The following PRKAG1 variants were observed in gnomAD, a reference collection of about 807,000 sequenced individuals.
PRKAG1 encodes the protein protein kinase AMP-activated non-catalytic subunit gamma 1.
A neutral mutation model predicts 48.2 loss-of-function variants in PRKAG1; 27 were observed. The ratio of observed to expected loss-of-function variants is 0.56; its 90% CI spans 0.41 to 0.77. The LOEUF is 0.77. PRKAG1 is among the 30% of genes least tolerant of loss of function. The pLI is 0.00. For missense variants in PRKAG1, 287 were observed against 398.3 expected (o/e 0.72, Z 2.38); for synonymous variants, 130 against 147.7 (o/e 0.88, Z 0.87).
At chr12:49,014,434 C>A (rs977760051) in intron 1 of PRKAG1, among the ~76,000 whole-genome samples, 6 of 152,242 alleles carry the variant, frequency 3.9e-5, no homozygotes, top group African/African-American at 1.4e-4. Flanking sequence ...AAGATTCTCA[C>A]AGATCTACTT....
At chr12:49,009,903 G>A (rs1031321732) in intron 2 of PRKAG1, among the ~76,000 whole-genome samples, 12 of 152,260 alleles carry the variant, frequency 7.9e-5, no homozygotes, top group South Asian at 4.1e-4. Flanking sequence ...GTGAGCCACC[G>A]TGCCCGGCTG....
At chr12:49,012,058 T>C (rs1310267209) in intron 2 of PRKAG1, among the ~76,000 whole-genome samples, 5 of 152,152 alleles carry the variant, frequency 3.3e-5, no homozygotes, top group Non-Finnish European at 5.9e-5. Flanking sequence ...GATTTCACGA[T>C]GTTGGCCAGG....
At chr12:49,015,157 GAAC>G (rs1941914057) in intron 1 of PRKAG1, among the ~76,000 whole-genome samples, 1 of 152,106 alleles carries the variant, frequency 6.6e-6, no homozygotes, top group Non-Finnish European at 1.5e-5. Flanking sequence ...AAGACTATCA[GAAC>G]AACAGCCTCA....
rs188600733 is a variant in PRKAG1 at position 49,017,385 on chromosome 12, T to C, written c.9+1347A>G. ...CCACGCCTGGGTAATTTTTGTATTT[T>C]TGTTTCTGTCGAGACAGGCTTTCAT... is the stretch of plus-strand genomic sequence containing the variant. On this transcript the variant is annotated intron_variant, in intron 1 of 11. Coordinates refer to ENST00000548065, the MANE Select transcript of PRKAG1 (RefSeq NM_002733.5). 2.7e-4 allele frequency: 94 copies of C among 350,554 alleles called. 1 individual carries two copies. The East Asian group carries it at 4.9e-3, about 18-fold the overall frequency. 21.7% of individuals were successfully genotyped at this position (350,554 alleles called of 1,614,324 possible).
At chr12:49,010,338 T>C (rs948552690) in intron 2 of PRKAG1, among the ~76,000 whole-genome samples, 3 of 152,184 alleles carry the variant, frequency 2.0e-5, no homozygotes, top group Non-Finnish European at 4.4e-5. Context: ...TCAATACTTA[T>C]ATATTTTAGG....
chr12:49,009,738 G>A (rs1174996137), intron 2 of PRKAG1, among the ~76,000 whole-genome samples: 1 of 151,886 alleles, frequency 6.6e-6, no homozygotes, highest in Non-Finnish European at 1.5e-5. Context: ...TCAGCCTCCC[G>A]AGTATCTGGG....
chr12:49,017,929 G>GA (rs1431328459), intron 1 of PRKAG1: 2 of 152,248 alleles, frequency 1.3e-5, no homozygotes, highest in East Asian at 3.8e-4. Flanking sequence ...TACTCTGCCT[G>GA]AAAGAAGACA....
At chr12:49,004,890 G>A (rs1941470080) in intron 7 of PRKAG1, 74 bp downstream of exon 7, 1 of 1,401,668 alleles carries the variant, frequency 7.1e-7, no homozygotes, top group Non-Finnish European at 9.9e-7. Flanking sequence ...CCTTTCCCTG[G>A]GTGTCTAGGG....
chr12:49,010,984 C>T (rs1201854978), intron 2 of PRKAG1, among the ~76,000 whole-genome samples: 3 of 151,874 alleles, frequency 2.0e-5, no homozygotes, highest in Non-Finnish European at 4.4e-5. Context: ...GCTGGGATTA[C>T]GGCACATGTC....
intron 8 of PRKAG1, 55 bp downstream of exon 8, chr12:49,004,452 C>T: frequency 6.3e-7 from 1 of 1,587,218 alleles, no homozygotes; most frequent in South Asian, 1.1e-5. Flanking sequence ...TTCAATCAAT[C>T]AATCAATCAA....
Position 49,018,722 on chromosome 12 carries a change from C to A in PRKAG1, c.9+10G>T. On this transcript the variant is annotated intron_variant, in intron 1 of 11. Transcript: ENST00000548065. ...CACAGCGCCCCCGACCGCCCTCCTGCACTCCTCACCGTCTCCATTGCAAGA... is the reference window on the plus strand; with the variant it reads ...CACAGCGCCCCCGACCGCCCTCCTGAACTCCTCACCGTCTCCATTGCAAGA... 4.3e-6 allele frequency: 7 copies of A among 1,613,360 alleles called. No homozygotes were observed. Among genetic ancestry groups the A allele is most frequent in the Non-Finnish European group, 5.9e-6 (7 of 1,180,018 alleles).
chr12:49,003,855 G>A lies in PRKAG1; in HGVS notation c.605C>T (p.Ala202Val). The change falls in exon 9 of 12, where the codon GCC becomes GTC. Residue 202 changes from alanine (A) to valine (V), a missense_variant. Ala to Val is a moderately conservative substitution (Grantham distance 64). Coordinates refer to ENST00000548065, the MANE Select transcript of PRKAG1 (RefSeq NM_002733.5). ...GGTAGTGCGAACCATAGCAATATTG[G>A]CATAGGTGCCAATCTGTAGCTCTTC... ...SLEELQIGTY[A>V]NIAMVRTTTP... 1 of 1,614,066 alleles carries A rather than the reference G, an allele frequency of 6.2e-7. No individual in the cohort carries two copies. The highest frequency in any genetic ancestry group is 8.5e-7 in the Non-Finnish European group (1 of 1,179,962).
Position 49,002,912 on chromosome 12 carries a change from T to G in PRKAG1, c.983A>C (p.Glu328Ala). ...ILQALVLTGG[E>A]KKP is the part of the protein sequence containing the mutation. ...CCTTCCCCCAGCTCAGGGCTTCTTC[T>G]CTCCACCTGTGAGCACCAGGGCCTG... The change falls in exon 12 of 12, where the codon GAG becomes GCG. Residue 328 changes from glutamate to alanine, a missense_variant. By Grantham distance (107) the Glu-to-Ala change is moderately radical (BLOSUM62 -1). Around this residue, in one of 2 missense-constraint regions of PRKAG1, gnomAD observed 224 missense variants for 344.3 expected, o/e 0.65. Coordinates refer to ENST00000548065, the MANE Select transcript of PRKAG1 (RefSeq NM_002733.5). The G allele has an allele frequency of 6.2e-7, 1 of 1,614,060 alleles. No homozygotes were observed. The highest frequency in any genetic ancestry group is 8.5e-7 in the Non-Finnish European group (1 of 1,179,944).
chr12:49,006,457 C>A (rs918622290), intron 2 of PRKAG1, among the ~76,000 whole-genome samples: 1 of 152,136 alleles, frequency 6.6e-6, no homozygotes, highest in African/African-American at 2.4e-5. Context: ...TAAGTTGGAG[C>A]CCAGTGCTCA....
rs1245254372 is a variant in PRKAG1, at chr12:49,018,773, T to G, written c.-33A>C. 4 of 1,612,216 alleles carry G rather than the reference T, an allele frequency of 2.5e-6. No homozygotes were observed. The highest frequency in any genetic ancestry group is 3.4e-6 in the Non-Finnish European group (4 of 1,179,880). On this transcript the variant is annotated 5_prime_UTR_variant, in exon 1 of 12. Coordinates refer to ENST00000548065, the MANE Select transcript of PRKAG1 (RefSeq NM_002733.5). ...GGCGCCCGGCTTGGTTTCCTCGCTT[T>G]AGGAAACTCTCTTGGGGCAGGCCCC...
Position 49,005,794 on chromosome 12 carries a change from A to G in PRKAG1, c.117T>C (p.Tyr39=). The G allele has an allele frequency of 6.2e-7, 1 of 1,614,152 alleles. No homozygotes were observed. Reference sequence around the variant, plus strand: ...ATTTGGAGCTTGTGGGAATCAGGTCATAGCAGCGATGAGACTTCATGAAGG... The same window carrying G: ...ATTTGGAGCTTGTGGGAATCAGGTCGTAGCAGCGATGAGACTTCATGAAGG... ...YTSFMKSHRC[Y]DLIPTSSKLV... is the part of the protein sequence containing the mutation. Residue 39 remains tyrosine, a synonymous_variant, in exon 3 of 12, where the codon TAT becomes TAC. Transcript: ENST00000548065. The surrounding 1 kb of genome is among the most constrained non-coding windows in gnomAD (Gnocchi z 4.1).
rs1347267156 is a variant in PRKAG1 at position 49,004,552 on chromosome 12, C to T, written c.492G>A (p.Leu164=). 2.5e-6 allele frequency: 4 copies of T among 1,614,100 alleles called. No homozygotes were observed. The highest frequency in any genetic ancestry group is 3.4e-6 in the Non-Finnish European group (4 of 1,180,016). Residue 164 remains leucine (L), a synonymous_variant, in exon 8 of 12, where the codon TTG becomes TTA. Coordinates refer to ENST00000548065, the MANE Select transcript of PRKAG1 (RefSeq NM_002733.5). ...GAATGCGCTTGTGGGTGAGGATGTA[C>T]AAAGTATTGCCTGATTCTGGGTCAA... ...PVIDPESGNT[L]YILTHKRILK...
At chr12:49,013,189 G>T in intron 1 of PRKAG1, 79 bp from the exon 2 acceptor site, 2 of 1,276,774 alleles carry the variant, frequency 1.6e-6, no homozygotes, top group South Asian at 1.2e-5. Flanking sequence ...AAGGGCTGGT[G>T]AACAAATAAT....
intron 8 of PRKAG1, 82 bp from the exon 9 acceptor site, chr12:49,004,004 TA>T (rs1282755389): frequency 6.7e-7 from 1 of 1,501,974 alleles, no homozygotes; most frequent in African/African-American, 1.4e-5. Flanking sequence ...ATATTAGAAA[TA>T]AGGGCTGGGT....
Sources: gnomAD v4.1 joint callset for allele counts (sites outside exome capture counted in the v4.1 genomes callset) on GRCh38, gnomAD v4.1.1 for gene constraint, gnomAD v4.1.1 regional missense constraint, Gnocchi (gnomAD v3.1) non-coding constraint, MANE v1.5 for transcripts, NCBI Gene and HGNC (gene_info 2026-07-23, HGNC 2026-07-21) for gene names.